The following ST8SIA1 variants were observed in gnomAD, a reference collection of about 807,000 sequenced individuals.
The protein encoded by ST8SIA1 is ST8 alpha-N-acetyl-neuraminide alpha-2,8-sialyltransferase 1.
In ST8SIA1, 16 loss-of-function variants were observed where a neutral mutation model predicts 35.9. The ratio of observed to expected loss-of-function variants is 0.45; its 90% CI spans 0.30 to 0.68. The LOEUF (loss-of-function observed/expected upper bound fraction) is 0.68. Ranked by LOEUF, ST8SIA1 falls within the 30% of genes least tolerant of loss-of-function variation. ST8SIA1 has a pLI of 0.09. For synonymous variants in ST8SIA1, 170 were observed against 169.6 expected, an observed-to-expected ratio of 1.00 and a Z score of -0.02; for missense variants, 383 against 453.6, an observed-to-expected ratio of 0.84 and a Z score of 1.41.
At chr12:22,256,129 C>T (rs1244496912) in intron 2 of ST8SIA1, among the ~76,000 whole-genome samples, 1 of 152,162 alleles carries the variant, frequency 6.6e-6, no homozygotes, top group Non-Finnish European at 1.5e-5. Flanking sequence ...AACAACGACA[C>T]AGAAGTATTT....
intron 2 of ST8SIA1, among the ~76,000 whole-genome samples, chr12:22,273,335 G>T (rs142913270): frequency 6.6e-6 from 1 of 152,240 alleles, no homozygotes; most frequent in African/African-American, 2.4e-5. Context: ...CCTTTGAGTG[G>T]CATCTTTGCT....
At chr12:22,209,529 T>G (rs1160842428) in intron 4 of ST8SIA1, among the ~76,000 whole-genome samples, 2 of 152,234 alleles carry the variant, frequency 1.3e-5, no homozygotes, top group African/African-American at 4.8e-5. Flanking sequence ...TACACTTTTA[T>G]GCTTCAAATG....
intron 4 of ST8SIA1, among the ~76,000 whole-genome samples, chr12:22,202,778 G>A (rs908521390): frequency 6.6e-6 from 1 of 152,172 alleles, no homozygotes; most frequent in African/African-American, 2.4e-5. Context: ...AGGGAGTGTG[G>A]TCCAAGAAAG....
chr12:22,282,344 T>A (rs936719282), intron 2 of ST8SIA1, among the ~76,000 whole-genome samples: 1 of 152,176 alleles, frequency 6.6e-6, no homozygotes, highest in Non-Finnish European at 1.5e-5. Context: ...CTGAGCGAGA[T>A]AACATGTGAA....
intron 2 of ST8SIA1, among the ~76,000 whole-genome samples, chr12:22,267,289 T>C (rs1217389925): frequency 2.0e-5 from 3 of 152,192 alleles, no homozygotes; most frequent in African/African-American, 7.2e-5. Context: ...GCACCTGAAC[T>C]ATCAGGACCA....
At chr12:22,241,789 G>C (rs1865544138) in intron 4 of ST8SIA1, among the ~76,000 whole-genome samples, 1 of 151,900 alleles carries the variant, frequency 6.6e-6, no homozygotes, top group African/African-American at 2.4e-5. Context: ...CAACTTCAGG[G>C]TTTGAGGCCA....
At chr12:22,326,271 G>C (rs1866679356) in intron 1 of ST8SIA1, 1 of 177,304 alleles carries the variant, frequency 5.6e-6, no homozygotes, top group Non-Finnish European at 1.2e-5. Flanking sequence ...GAAATCAGTT[G>C]ATTTATTGCT....
intron 1 of ST8SIA1, among the ~76,000 whole-genome samples, chr12:22,297,853 C>T (rs977941622): frequency 1.3e-5 from 2 of 152,036 alleles, no homozygotes; most frequent in Non-Finnish European, 2.9e-5. Flanking sequence ...TGACTGGTGG[C>T]TAGAGACCCC....
intron 4 of ST8SIA1, among the ~76,000 whole-genome samples, chr12:22,242,286 A>C (rs566511768): frequency 6.6e-6 from 1 of 152,208 alleles, no homozygotes; most frequent in South Asian, 2.1e-4. Context: ...ATATAATTAA[A>C]CCCAATCATT....
At chr12:22,202,114 T>C (rs1865055109) in intron 4 of ST8SIA1, 76 bp from the exon 5 acceptor site, 1 of 1,359,284 alleles carries the variant, frequency 7.4e-7, no homozygotes, top group African/African-American at 1.5e-5. Context: ...TGTTGTCTTC[T>C]GGTGGCCCTG....
At chr12:22,255,578 G>C (rs1219037119) in intron 2 of ST8SIA1, among the ~76,000 whole-genome samples, 189 bp from the exon 3 acceptor site, 1 of 151,830 alleles carries the variant, frequency 6.6e-6, no homozygotes, top group East Asian at 1.9e-4. Flanking sequence ...AATTTAAAAA[G>C]CAAAATTTTT....
At chr12:22,314,232 T>C (rs1591854336) in intron 1 of ST8SIA1, among the ~76,000 whole-genome samples, 2 of 152,150 alleles carry the variant, frequency 1.3e-5, no homozygotes, top group Non-Finnish European at 1.5e-5. Flanking sequence ...TCACTAGTAC[T>C]ACCCTTCACG....
intron 4 of ST8SIA1, chr12:22,223,785 C>G (rs1244246685): frequency 1.6e-6 from 2 of 1,255,862 alleles, no homozygotes; most frequent in South Asian, 2.7e-5. Context: ...TTTAAATAAA[C>G]CCATTTATGC....
chr12:22,212,652 C>T (rs1021598833), intron 4 of ST8SIA1, among the ~76,000 whole-genome samples: 5 of 152,292 alleles, frequency 3.3e-5, no homozygotes, highest in Non-Finnish European at 4.4e-5. Context: ...CTCTTCACCT[C>T]GCAAGCTAAC....
chr12:22,279,666 A>G (rs772220061), intron 2 of ST8SIA1, among the ~76,000 whole-genome samples: 1 of 152,110 alleles, frequency 6.6e-6, no homozygotes, highest in Admixed American at 6.5e-5. Context: ...GTTACTCCTT[A>G]TTATCTTCTG....
At chr12:22,247,664 C>G (rs1865621679) in intron 4 of ST8SIA1, among the ~76,000 whole-genome samples, 1 of 151,704 alleles carries the variant, frequency 6.6e-6, no homozygotes. Context: ...GGAGGAGCAT[C>G]AGAGTAAGAA....
chr12:22,255,476 A>T, intron 2 of ST8SIA1, 87 bp from the exon 3 acceptor site: 3 of 1,146,348 alleles, frequency 2.6e-6, no homozygotes, highest in Non-Finnish European at 4.0e-6. Context: ...CCTTTGGAGG[A>T]ATTTGACTGA....
At chr12:22,265,046 T>C (rs1481778239) in intron 2 of ST8SIA1, among the ~76,000 whole-genome samples, 1 of 152,238 alleles carries the variant, frequency 6.6e-6, no homozygotes, top group Non-Finnish European at 1.5e-5. Context: ...ATACAACTCA[T>C]GTGGCATCAG....
At chr12:22,202,440 C>A (rs1475607850) in intron 4 of ST8SIA1, among the ~76,000 whole-genome samples, 1 of 152,142 alleles carries the variant, frequency 6.6e-6, no homozygotes, top group African/African-American at 2.4e-5. Context: ...TCTTCATCTG[C>A]AAATCAAAGG....
Sources: allele counts gnomAD v4.1 joint callset (sites outside exome capture counted in the v4.1 genomes callset), GRCh38; gene constraint gnomAD v4.1.1; transcripts MANE v1.5; gene names NCBI Gene and HGNC (gene_info 2026-07-23, HGNC 2026-07-21).